Variants in ASH1L observed in about 807,000 individuals in gnomAD.
ASH1L encodes the protein histone-lysine N-methyltransferase ASH1L.
Under a neutral mutation model 269.0 loss-of-function variants are expected in ASH1L, and 23 were observed. That is an observed-to-expected ratio of 0.09 (90% CI 0.06 to 0.12). The LOEUF (loss-of-function observed/expected upper bound fraction) is 0.12, where lower values mean the gene tolerates loss of function less well. Among genes scored for constraint, ASH1L ranks in the 10% least tolerant of loss-of-function variants. ASH1L has a pLI of 1.00. For missense variants in ASH1L, 2,912 were observed against 3,567.8 expected (o/e 0.82, Z 4.68); for synonymous variants, 1,187 against 1,253.5 (o/e 0.95, Z 1.12).
In ASH1L at chr1:155,474,656, G is replaced by A. The variant is rs1402716822; in HGVS notation, c.4984+3230C>T. On this transcript the variant is annotated intron_variant, in intron 3 of 27. Transcript: ENST00000392403. The stretch of plus-strand genomic sequence containing the variant: ...ACAGGTTGCAGTGAGCCAAGATCGT[G>A]CCACTGCACTCCAGCCTGGGCAACA... Among the ~76,000 whole-genome samples, 5 of 152,048 alleles carry A rather than the reference G, an allele frequency of 3.3e-5. No homozygotes were observed. The East Asian group carries it at 9.6e-4, about 29-fold the overall frequency.
At chr1:155,363,708 C>T (rs1655163971) in intron 12 of ASH1L, among the ~76,000 whole-genome samples, 1 of 151,880 alleles carries the variant, frequency 6.6e-6, no homozygotes, top group South Asian at 2.1e-4. Context: ...CACCTACCTT[C>T]ATGCCTGTAA....
intron 1 of ASH1L, among the ~76,000 whole-genome samples, chr1:155,535,616 A>G (rs1258561312): frequency 6.6e-6 from 1 of 151,474 alleles, no homozygotes; most frequent in Non-Finnish European, 1.5e-5. Context: ...ACTGCATTTC[A>G]GCCTTGGCAA....
intron 12 of ASH1L, among the ~76,000 whole-genome samples, chr1:155,365,162 A>G (rs1393725822): frequency 1.3e-5 from 2 of 152,100 alleles, no homozygotes; most frequent in Non-Finnish European, 2.9e-5. Context: ...AACCCAAAGG[A>G]AATAGACTGC....
chr1:155,347,984 C>A (rs1006550544), intron 19 of ASH1L, 80 bp from the exon 20 acceptor site: 1 of 1,570,072 alleles, frequency 6.4e-7, no homozygotes. Context: ...AGCAAGGTAG[C>A]ATGACTTTCT....
chr1:155,408,886 T>A (rs1226454432), intron 6 of ASH1L, among the ~76,000 whole-genome samples: 1 of 150,544 alleles, frequency 6.6e-6, no homozygotes, highest in Non-Finnish European at 1.5e-5. Flanking sequence ...ACAAAAAAAA[T>A]TCATGAGTCT....
chr1:155,511,651 G>A (rs535237493), intron 2 of ASH1L, among the ~76,000 whole-genome samples: 1 of 152,184 alleles, frequency 6.6e-6, no homozygotes, highest in African/African-American at 2.4e-5. Context: ...GACTACAGGC[G>A]TGAGCCACCA....
chr1:155,392,486 T>G (rs560034152), intron 7 of ASH1L, among the ~76,000 whole-genome samples: 4 of 152,290 alleles, frequency 2.6e-5, no homozygotes, highest in Non-Finnish European at 5.9e-5. Context: ...ATGCATTTTT[T>G]TCTTATTTAT....
chr1:155,510,369 G>A (rs1337674417), intron 2 of ASH1L, among the ~76,000 whole-genome samples: 1 of 130,908 alleles, frequency 7.6e-6, no homozygotes. Context: ...AGCCGAGATC[G>A]CACCACTGCA....
rs779899743 is a variant in ASH1L at position 155,339,318 on chromosome 1, T to C, written c.8501+10A>G. The C allele has an allele frequency of 8.1e-6, 13 of 1,612,564 alleles. No individual in the cohort carries two copies. Among genetic ancestry groups the C allele is most frequent in the African/African-American group, 5.3e-5 (4 of 74,894 alleles). ...CCCTTAGGATCCTCATATCCCCCCA[T>C]GGGACTTACCGTCCTCCATTCCTCT... On this transcript the variant is annotated intron_variant, in intron 26 of 27. Coordinates refer to ENST00000392403, the MANE Select transcript of ASH1L (RefSeq NM_018489.3).
chr1:155,532,829 A>T (rs1377439066), intron 1 of ASH1L, among the ~76,000 whole-genome samples: 3 of 149,654 alleles, frequency 2.0e-5, no homozygotes, highest in Non-Finnish European at 3.0e-5. Context: ...TCTCAAAAAA[A>T]AAAAAAAAAT....
chr1:155,431,530 T>C (rs1661599652), intron 5 of ASH1L, among the ~76,000 whole-genome samples: 1 of 151,840 alleles, frequency 6.6e-6, no homozygotes, highest in East Asian at 1.9e-4. Flanking sequence ...GGAGGTCAAG[T>C]TGAGAGGATC....
chr1:155,503,862 CAACAGGTGTAAGCCACCATGCCTGGCT>C (rs1667655149), intron 2 of ASH1L, among the ~76,000 whole-genome samples: 1 of 152,170 alleles, frequency 6.6e-6, no homozygotes, highest in Non-Finnish European at 1.5e-5. Flanking sequence ...GTAGCTGGGA[CAACAGGTGTAAGCCACCATGCCTGGCT>C]AACATTTGTA....
intron 6 of ASH1L, among the ~76,000 whole-genome samples, chr1:155,413,363 T>C (rs530775717): frequency 6.6e-6 from 1 of 152,218 alleles, no homozygotes; most frequent in South Asian, 2.1e-4. Context: ...CCTAGCACTC[T>C]GGGAGGCAGA....
At chr1:155,508,135 T>C (rs1667932117) in intron 2 of ASH1L, among the ~76,000 whole-genome samples, 1 of 152,170 alleles carries the variant, frequency 6.6e-6, no homozygotes, top group African/African-American at 2.4e-5. Flanking sequence ...TACTGTGTGA[T>C]AAATACAAGT....
chr1:155,536,932 C>T lies in ASH1L; in HGVS notation c.-99-15314G>A, dbSNP rs560658745. ...TGGTGGCGAGTGCCTGTAGTCCCAGCTACTTGGGAGGCTGAGACAGGAGAA... is the reference window on the plus strand; with the variant it reads ...TGGTGGCGAGTGCCTGTAGTCCCAGTTACTTGGGAGGCTGAGACAGGAGAA... On this transcript the variant is annotated intron_variant, in intron 1 of 27. Transcript: ENST00000392403. Among the ~76,000 whole-genome samples the T allele has an allele frequency of 2.0e-5, 3 of 151,262 alleles. No homozygotes were observed. The East Asian group carries it at 5.9e-4, about 30-fold the overall frequency.
chr1:155,460,175 A>G (rs1436194156), intron 3 of ASH1L, among the ~76,000 whole-genome samples: 1 of 152,248 alleles, frequency 6.6e-6, no homozygotes, highest in Non-Finnish European at 1.5e-5. Flanking sequence ...GATATGATTT[A>G]GTTTTCATGT....
At position 155,478,006 on chromosome 1, in the gene ASH1L, T is replaced by C. The variant is rs548692300; in HGVS notation, c.4864A>G (p.Ser1622Gly). 1.2e-6 allele frequency: 2 copies of C among 1,614,224 alleles called. No individual in the cohort carries two copies. Among genetic ancestry groups the C allele is most frequent in the South Asian group, 1.1e-5 (1 of 91,088 alleles). The change falls in exon 3 of 28, where the codon AGT becomes GGT. Residue 1622 changes from serine (S) to glycine (G), a missense_variant. Physicochemically the swap from Ser to Gly is moderately conservative, Grantham distance 56. Around this residue, in one of 13 missense-constraint regions of ASH1L, gnomAD observed 789 missense variants for 897.6 expected, o/e 0.88. Transcript: ENST00000392403. This position sits in a 1 kb window ranked among gnomAD's most constrained non-coding sequence, Gnocchi z 4.6. The stretch of plus-strand genomic sequence containing the variant: ...CTGTCAGTTAATTTCTTCCGGCCAC[T>C]GGAGTTAGGGTTTGAAACTCTGCAG... ...GSCRVSNPNS[S>G]GRKKLTDSPG...
intron 3 of ASH1L, among the ~76,000 whole-genome samples, chr1:155,470,153 G>A (rs990024054): frequency 6.6e-6 from 1 of 152,066 alleles, no homozygotes; most frequent in African/African-American, 2.4e-5. Context: ...TGCCTTGTAA[G>A]TATCTCAATA....
intron 1 of ASH1L, among the ~76,000 whole-genome samples, chr1:155,547,330 T>C (rs1487245595): frequency 6.6e-6 from 1 of 151,154 alleles, no homozygotes; most frequent in Admixed American, 6.6e-5. Flanking sequence ...TGTGTTTCTG[T>C]TTACTGCAGC....
Sources: allele counts gnomAD v4.1 joint callset (sites outside exome capture counted in the v4.1 genomes callset), GRCh38; gene constraint gnomAD v4.1.1; regional missense constraint gnomAD v4.1.1; non-coding constraint Gnocchi (gnomAD v3.1); transcripts MANE v1.5; gene names NCBI Gene and HGNC (gene_info 2026-07-23, HGNC 2026-07-21).